MCTS1: variants seen among roughly 807,000 people sequenced by gnomAD.
The protein encoded by MCTS1 is malignant T-cell-amplified sequence 1.
For missense variants in MCTS1, 55 were observed against 128.6 expected (o/e 0.43, Z 2.77); for synonymous variants, 26 against 40.8 (o/e 0.64, Z 1.38).
chrX:120,606,778 T>TA (rs1417866604), intron 3 of MCTS1, among the ~76,000 whole-genome samples: 1 of 84,124 alleles, frequency 1.2e-5, no homozygotes, highest in Non-Finnish European at 2.3e-5. Context: ...GAGCGAGACT[T>TA]AGTCTCAAAA....
At position 120,615,687 on chromosome X, in the gene MCTS1, A is replaced by T. The variant is rs1174724406; in HGVS notation, c.*3423A>T. On this transcript the variant is annotated 3_prime_UTR_variant, in exon 6 of 6. Coordinates refer to ENST00000371317, the MANE Select transcript of MCTS1 (RefSeq NM_014060.3). ...TGTCTTGGAGTTGCCGTGATTCAGC[A>T]TCCCAACTCAGATGATTGTCCTGTT... Among the ~76,000 whole-genome samples the T allele has an allele frequency of 1.8e-5, 2 of 111,657 alleles. No homozygotes were observed. The highest frequency in any genetic ancestry group is 3.8e-5 in the Non-Finnish European group (2 of 53,138).
At chrX:120,607,719 A>G (rs937067990) in intron 3 of MCTS1, among the ~76,000 whole-genome samples, 13 of 111,661 alleles carry the variant, frequency 1.2e-4, no homozygotes, top group African/African-American at 3.9e-4. Context: ...CATGTCAAGT[A>G]TCTACTGTTA....
At chrX:120,611,260 G>C in intron 5 of MCTS1, 182 bp downstream of exon 5, 1 of 410,828 alleles carries the variant, frequency 2.4e-6, no homozygotes, top group Non-Finnish European at 4.2e-6. Context: ...TTGTCTTCAG[G>C]ATTGTAGTCT....
rs765578300 is a variant in MCTS1, at chrX:120,614,508, G to T, written c.*2244G>T. ...ATGTAGTTTTCCTTATGTTATGACA[G>T]TTTTATTCTGCAGCTTACCATATTA... is the stretch of plus-strand genomic sequence containing the variant. On this transcript the variant is annotated 3_prime_UTR_variant, in exon 6 of 6. Coordinates refer to ENST00000371317, the MANE Select transcript of MCTS1 (RefSeq NM_014060.3). Among the ~76,000 whole-genome samples, 1 of 111,994 alleles carries T rather than the reference G, an allele frequency of 8.9e-6. No individual in the cohort carries two copies. The highest frequency in any genetic ancestry group is 2.8e-4 in the East Asian group (1 of 3,576).
Position 120,617,680 on chromosome X carries a change from T to C in MCTS1, c.*5416T>C, listed in dbSNP as rs1926896485. 8.9e-6 allele frequency among the ~76,000 whole-genome samples: 1 copy of C among 112,217 alleles called. No individual in the cohort carries two copies. The highest frequency in any genetic ancestry group is 3.7e-4 in the South Asian group (1 of 2,721). On this transcript the variant is annotated 3_prime_UTR_variant, in exon 6 of 6. Transcript: ENST00000371317. Reference sequence around the variant, plus strand: ...TTCATTGTAAGTGTTCTCAGAACTCTACCACCTAGAATTTAAAGACGGGAA... The same window carrying C: ...TTCATTGTAAGTGTTCTCAGAACTCCACCACCTAGAATTTAAAGACGGGAA...
At position 120,620,209 on chromosome X, in the gene MCTS1, G is replaced by C. The variant is rs1242572334; in HGVS notation, c.*7945G>C. 2.7e-5 allele frequency among the ~76,000 whole-genome samples: 3 copies of C among 110,789 alleles called. No homozygotes were observed. The highest frequency in any genetic ancestry group is 5.7e-5 in the Non-Finnish European group (3 of 52,983). On this transcript the variant is annotated 3_prime_UTR_variant, in exon 6 of 6. Transcript: ENST00000371317. ...TGTAGTCCCAGCTACTCGGGAGGCT[G>C]AGGCAGGAGAGTGGCATGAACCCGG...
intron 4 of MCTS1, among the ~76,000 whole-genome samples, chrX:120,608,803 A>G (rs753921785): frequency 1.8e-5 from 2 of 112,399 alleles, no homozygotes; most frequent in East Asian, 5.6e-4. Context: ...GGCACCAGGT[A>G]TAGGTATCTC....
In MCTS1 at chrX:120,606,121, CT is replaced by C; in HGVS notation, c.213del (p.Phe71LeufsTer12). Reference sequence around the variant, plus strand: ...TCCTTACAGTAAATGGAGAATTACTCTTTTTTAGACAAAGAGAAGGGCCTTT... The same window carrying C: ...TCCTTACAGTAAATGGAGAATTACTCTTTTTAGACAAAGAGAAGGGCCTTT... ...EILTVNGELL[F>X]FRQREGPFYP... On this transcript the variant is annotated frameshift_variant, in exon 3 of 6. Transcript: ENST00000371317. LOFTEE classifies it high-confidence loss of function. 1 of 1,169,782 alleles carries C rather than the reference CT, an allele frequency of 8.5e-7. No individual in the cohort carries two copies. The highest frequency in any genetic ancestry group is 1.2e-6 in the Non-Finnish European group (1 of 867,490).
Position 120,612,455 on chromosome X carries a change from A to C in MCTS1, c.*191A>C, listed in dbSNP as rs1926709413. 1 of 390,128 alleles carries C rather than the reference A, an allele frequency of 2.6e-6. No individual in the cohort carries two copies. Among genetic ancestry groups the C allele is most frequent in the Non-Finnish European group, 4.5e-6 (1 of 221,594 alleles). The allele number at this position is 390,128 out of a possible 1,213,427, so 32.2% of individuals were successfully genotyped here. A position where few individuals can be genotyped will look rare whatever the true frequency, so the allele number is the denominator to read the frequency against. On this transcript the variant is annotated 3_prime_UTR_variant, in exon 6 of 6. Transcript: ENST00000371317. ...AGTTAAAATTGGGTAGCAAACTTGGACATTAAAAGGTATCTGGTAAGTAAG... is the reference window on the plus strand; with the variant it reads ...AGTTAAAATTGGGTAGCAAACTTGGCCATTAAAAGGTATCTGGTAAGTAAG...
intron 3 of MCTS1, among the ~76,000 whole-genome samples, chrX:120,607,064 CGT>C (rs775499556): frequency 1.4e-4 from 15 of 105,233 alleles, no homozygotes; most frequent in Non-Finnish European, 2.7e-4. Context: ...AGTGTCCTTC[CGT>C]CCAGGTATTT....
chrX:120,607,513 G>A (rs1243957281), intron 3 of MCTS1, among the ~76,000 whole-genome samples: 1 of 110,288 alleles, frequency 9.1e-6, no homozygotes, highest in African/African-American at 3.3e-5. Flanking sequence ...AGCAGTTTTA[G>A]GTTTCCAGAA....
Position 120,611,636 on chromosome X carries a change from TCTCGAA to T in MCTS1, c.465-543_465-538del, listed in dbSNP as rs754362261. ...GGTTTCACCATGTTGGCCAGGCCAG[TCTCGAA>T]CTCCTGACCTCAAGTGATCCACCCA... On this transcript the variant is annotated intron_variant, in intron 5 of 5. Coordinates refer to ENST00000371317, the MANE Select transcript of MCTS1 (RefSeq NM_014060.3). Among the ~76,000 whole-genome samples the T allele has an allele frequency of 1.0e-3, 115 of 111,369 alleles. 1 individual carries two copies. The highest frequency in any genetic ancestry group is 1.8e-3 in the Non-Finnish European group (94 of 53,030).
rs748871099 is a variant in MCTS1 at position 120,618,818 on chromosome X, G to A, written c.*6554G>A. On this transcript the variant is annotated 3_prime_UTR_variant, in exon 6 of 6. Transcript: ENST00000371317. ...AAGTGTCTGAAAAGGAGTCCACAAA[G>A]TATTTCTGCTTTCTTGCTCCTGAAT... Among the ~76,000 whole-genome samples, 4 of 112,392 alleles carry A rather than the reference G, an allele frequency of 3.6e-5. No homozygotes were observed. The highest frequency in any genetic ancestry group is 5.6e-5 in the Non-Finnish European group (3 of 53,315).
intron 1 of MCTS1, 180 bp downstream of exon 1, chrX:120,604,427 C>G (rs1926475943): frequency 6.5e-6 from 4 of 617,262 alleles, no homozygotes; most frequent in Non-Finnish European, 9.5e-6. Flanking sequence ...AGCTTTCCAT[C>G]CGTAGTCCTT....
intron 4 of MCTS1, 84 bp from the exon 5 acceptor site, chrX:120,610,927 C>A: frequency 9.7e-7 from 1 of 1,028,529 alleles, no homozygotes; most frequent in Non-Finnish European, 1.4e-6. Context: ...TAACTAGTAA[C>A]ATGATCATTA....
chrX:120,615,034 C>T lies in MCTS1; in HGVS notation c.*2770C>T, dbSNP rs1311976831. ...ATGGACTAAATATGTATGTTCTCTGCTTCCCCTGGGTCTGAGGCCTCTGCT... is the reference window on the plus strand; with the variant it reads ...ATGGACTAAATATGTATGTTCTCTGTTTCCCCTGGGTCTGAGGCCTCTGCT... On this transcript the variant is annotated 3_prime_UTR_variant, in exon 6 of 6. Transcript: ENST00000371317. Among the ~76,000 whole-genome samples, 1 of 111,787 alleles carries T rather than the reference C, an allele frequency of 8.9e-6. No homozygotes were observed. The highest frequency in any genetic ancestry group is 1.9e-5 in the Non-Finnish European group (1 of 53,155).
intron 1 of MCTS1, chrX:120,604,498 C>A: frequency 1.8e-6 from 1 of 542,544 alleles, no homozygotes; most frequent in Non-Finnish European, 2.8e-6. Context: ...TTCTCTTTTG[C>A]CCCCTCCCCC....
intron 1 of MCTS1, 138 bp downstream of exon 1, chrX:120,604,385 A>G (rs773616415): frequency 4.4e-5 from 35 of 794,597 alleles, no homozygotes; most frequent in East Asian, 7.3e-5. Flanking sequence ...CTATAGTACT[A>G]TGCTCTCACT....
At chrX:120,604,408 A>T (rs1024164795) in intron 1 of MCTS1, 161 bp downstream of exon 1, 1 of 692,171 alleles carries the variant, frequency 1.4e-6, no homozygotes, top group Non-Finnish European at 2.1e-6. Flanking sequence ...CAACTTGAAC[A>T]CTTCTTTAAG....
Sources: allele counts gnomAD v4.1 joint callset (sites outside exome capture counted in the v4.1 genomes callset), GRCh38; gene constraint gnomAD v4.1.1; transcripts MANE v1.5; gene names NCBI Gene and HGNC (gene_info 2026-07-23, HGNC 2026-07-21).